Variants in UTY observed in about 807,000 individuals in gnomAD.
UTY encodes ubiquitously transcribed tetratricopeptide repeat containing, Y-linked.
Under a neutral mutation model 32.5 loss-of-function variants are expected in UTY, and 12 were observed. The ratio of observed to expected loss-of-function variants is 0.37; its 90% CI spans 0.24 to 0.60. The LOEUF (loss-of-function observed/expected upper bound fraction) is 0.60. Among genes scored for constraint, UTY ranks in the 20% least tolerant of loss-of-function variants. UTY has a pLI of 0.69. For missense variants in UTY, 303 were observed against 299.2 expected, an observed-to-expected ratio of 1.01 and a Z score of -0.09; for synonymous variants, 131 against 103.4, an observed-to-expected ratio of 1.27 and a Z score of -1.62.
chrY:13,430,387 C>T (rs2073865638), intron 4 of UTY, among the ~76,000 whole-genome samples: 2 of 33,662 alleles, frequency 5.9e-5, no homozygotes, highest in Admixed American at 2.7e-4. Flanking sequence ...TTCAATCTTG[C>T]TACTCCTTAC....
intron 28 of UTY, 33 bp from the exon 29 acceptor site, chrY:13,251,220 T>C: frequency 3.5e-6 from 1 of 286,884 alleles, no homozygotes. Flanking sequence ...CAAAAAGTAT[T>C]GGACAGTGAT....
chrY:13,424,695 C>T (rs763956749), intron 4 of UTY, among the ~76,000 whole-genome samples: 1 of 32,197 alleles, frequency 3.1e-5, no homozygotes, highest in Admixed American at 2.8e-4. Context: ...CCTGCCTGGG[C>T]GACAGAGAGA....
chrY:13,456,058 G>GT (rs2150136779), intron 3 of UTY, among the ~76,000 whole-genome samples: 1 of 32,578 alleles, frequency 3.1e-5, no homozygotes, highest in South Asian at 7.0e-4. Context: ...ACTTCCAGGG[G>GT]TAGGGCACTA....
At chrY:13,294,634 T>C (rs751712489) in intron 27 of UTY, among the ~76,000 whole-genome samples, 1 of 34,249 alleles carries the variant, frequency 2.9e-5, no homozygotes, top group South Asian at 6.4e-4. Context: ...TGTTGAACGA[T>C]GACTGTAAGG....
chrY:13,252,739 G>A (rs1010831592), intron 28 of UTY, among the ~76,000 whole-genome samples: 9 of 34,502 alleles, frequency 2.6e-4, no homozygotes, highest in African/African-American at 5.6e-4. Flanking sequence ...TAGCATTAGC[G>A]ATCTGTGCCT....
Position 13,461,277 on chromosome Y carries a change from C to T in UTY, c.325+8844G>A. Among the ~76,000 whole-genome samples, 3 of 25,190 alleles carry T rather than the reference C, an allele frequency of 1.2e-4. No individual in the cohort carries two copies. In the East Asian group the frequency reaches 3.0e-3, roughly 25 times the overall value. 67.6% of individuals were successfully genotyped at this position (25,190 alleles called of 37,273 possible). A position where few individuals can be genotyped will look rare whatever the true frequency, so the allele number is the denominator to read the frequency against. On this transcript the variant is annotated intron_variant, in intron 3 of 29. Transcript: ENST00000545955. ...GGAGGGGAAAGGACAGGGTGGGGGG[C>T]GCGGGAAGGAGAGTGGAAGAGAAAT... is the stretch of plus-strand genomic sequence containing the variant.
chrY:13,287,123 G>A (rs2057432140), intron 27 of UTY: 1 of 350,133 alleles, frequency 2.9e-6, no homozygotes, highest in Non-Finnish European at 4.1e-6. Flanking sequence ...ACTATTGTGG[G>A]TGTAAAGCCA....
intron 8 of UTY, among the ~76,000 whole-genome samples, chrY:13,386,955 C>T (rs2066902041): frequency 3.0e-5 from 1 of 33,231 alleles, no homozygotes; most frequent in Non-Finnish European, 7.4e-5. Flanking sequence ...GCTAAGACTG[C>T]GCCACTGCCC....
intron 21 of UTY, among the ~76,000 whole-genome samples, chrY:13,311,011 C>A (rs2059017391): frequency 3.2e-5 from 1 of 31,005 alleles, no homozygotes; most frequent in Non-Finnish European, 7.8e-5. Context: ...TGGCATGAAC[C>A]CAGGAGGCAG....
chrY:13,325,275 T>C (rs2060159563), intron 19 of UTY, among the ~76,000 whole-genome samples: 1 of 33,346 alleles, frequency 3.0e-5, no homozygotes, highest in Non-Finnish European at 7.4e-5. Flanking sequence ...TCTAATACCA[T>C]CGTCAATAAA....
intron 4 of UTY, among the ~76,000 whole-genome samples, chrY:13,447,361 G>T (rs2076006188): frequency 3.1e-5 from 1 of 32,514 alleles, no homozygotes; most frequent in Admixed American, 2.8e-4. Flanking sequence ...TTCAGGATGG[G>T]ATCCAAAACA....
intron 27 of UTY, among the ~76,000 whole-genome samples, chrY:13,290,472 A>C: frequency 2.9e-5 from 1 of 34,206 alleles, no homozygotes; most frequent in South Asian, 6.3e-4. Context: ...AGAAATACAA[A>C]ATCTGAACAG....
chrY:13,454,090 A>T (rs2150114351), intron 3 of UTY, among the ~76,000 whole-genome samples: 1 of 31,554 alleles, frequency 3.2e-5, no homozygotes, highest in East Asian at 8.1e-4. Flanking sequence ...AAAATAAAAT[A>T]AAAAAAGGCA....
At chrY:13,345,857 C>T in intron 17 of UTY, among the ~76,000 whole-genome samples, 1 of 33,061 alleles carries the variant, frequency 3.0e-5, no homozygotes, top group Non-Finnish European at 7.4e-5. Context: ...TGGCAAACCC[C>T]TAATGCCATC....
At chrY:13,318,560 A>C (rs1048141954) in intron 21 of UTY, among the ~76,000 whole-genome samples, 1 of 33,217 alleles carries the variant, frequency 3.0e-5, no homozygotes, top group Non-Finnish European at 7.4e-5. Context: ...GTTTGATATA[A>C]AAAAACAAAA....
At chrY:13,293,592 T>C (rs2148689342) in intron 27 of UTY, among the ~76,000 whole-genome samples, 10 of 33,516 alleles carry the variant, frequency 3.0e-4, no homozygotes, top group Admixed American at 1.6e-3. Flanking sequence ...GCTGGGATTG[T>C]AGGCGTGAGC....
intron 2 of UTY, among the ~76,000 whole-genome samples, chrY:13,470,855 T>C: frequency 6.1e-5 from 2 of 32,895 alleles, no homozygotes; most frequent in African/African-American, 2.4e-4. Context: ...AATTAAGCAT[T>C]GGAGGAACAT....
intron 11 of UTY, 46 bp downstream of exon 11, chrY:13,360,384 C>T (rs767943883): frequency 2.1e-5 from 7 of 326,488 alleles, no homozygotes; most frequent in Non-Finnish European, 3.2e-5. Flanking sequence ...TTCAATCATC[C>T]AGTGTATCAA....
intron 3 of UTY, among the ~76,000 whole-genome samples, chrY:13,461,325 A>G: frequency 3.1e-5 from 1 of 32,440 alleles, no homozygotes; most frequent in African/African-American, 1.2e-4. Context: ...CTACAATCCA[A>G]TGGTACAAAT....
Sources: allele counts gnomAD v4.1 joint callset (sites outside exome capture counted in the v4.1 genomes callset), GRCh38; gene constraint gnomAD v4.1.1; transcripts MANE v1.5; gene names NCBI Gene and HGNC (gene_info 2026-07-23, HGNC 2026-07-21).